SPECC1L: variants seen among roughly 807,000 people sequenced by gnomAD.
SPECC1L encodes cytospin-A.
A neutral mutation model predicts 116.8 loss-of-function variants in SPECC1L; 40 were observed. The observed-to-expected ratio is 0.34, with a 90% CI of 0.27 to 0.45. SPECC1L has a LOEUF of 0.45. Among genes scored for constraint, SPECC1L ranks in the 20% least tolerant of loss-of-function variants. The pLI is 1.00. For missense variants in SPECC1L, 1,110 were observed against 1,373.6 expected (o/e 0.81, Z 3.03); for synonymous variants, 504 against 500.6 (o/e 1.01, Z -0.09).
intron 11 of SPECC1L, among the ~76,000 whole-genome samples, chr22:24,358,105 GT>G (rs1243107856): frequency 2.3e-5 from 3 of 132,846 alleles, no homozygotes; most frequent in Non-Finnish European, 4.9e-5. Context: ...GAGGTGTTTT[GT>G]TTTTTTTGGT....
At chr22:24,346,592 G>C (rs552541760) in intron 10 of SPECC1L, among the ~76,000 whole-genome samples, 2 of 152,312 alleles carry the variant, frequency 1.3e-5, no homozygotes, top group East Asian at 3.9e-4. Flanking sequence ...ACCACATTCA[G>C]AATACCAGTG....
chr22:24,324,832 CAG>C (rs889687733), intron 6 of SPECC1L, among the ~76,000 whole-genome samples: 8 of 152,190 alleles, frequency 5.3e-5, no homozygotes, highest in African/African-American at 1.9e-4. Flanking sequence ...GCCTGGGTGA[CAG>C]AGTGAGACTT....
chr22:24,413,172 G>T (rs1229074827), intron 16 of SPECC1L, among the ~76,000 whole-genome samples: 1 of 152,194 alleles, frequency 6.6e-6, no homozygotes, highest in East Asian at 1.9e-4. Context: ...GCTGGACCGG[G>T]GAGGCTCCTG....
At chr22:24,293,068 A>G (rs2049186463) in intron 2 of SPECC1L, among the ~76,000 whole-genome samples, 1 of 151,976 alleles carries the variant, frequency 6.6e-6, no homozygotes, top group Non-Finnish European at 1.5e-5. Flanking sequence ...GCTATGATAG[A>G]GAAAAAAAAT....
intron 10 of SPECC1L, among the ~76,000 whole-genome samples, chr22:24,342,178 C>G (rs1028079079): frequency 1.3e-5 from 2 of 152,156 alleles, no homozygotes; most frequent in Admixed American, 1.3e-4. Flanking sequence ...CCATCATAAT[C>G]TGGCATGCAA....
In SPECC1L at chr22:24,321,712, G is replaced by A. The variant is rs376758255; in HGVS notation, c.732G>A (p.Leu244=). 4 of 1,614,110 alleles carry A rather than the reference G, an allele frequency of 2.5e-6. No homozygotes were observed. The highest frequency in any genetic ancestry group is 1.3e-5 in the African/African-American group (1 of 74,932). ...CGACTGATGTGGAGTCCACTTTATTGCAGTTGCAGGAACAGAATACTGCCA... is the reference window on the plus strand; with the variant it reads ...CGACTGATGTGGAGTCCACTTTATTACAGTTGCAGGAACAGAATACTGCCA... ...HQPTDVESTL[L]QLQEQNTAIR... The change falls in exon 5 of 17, where the codon TTG becomes TTA. Residue 244 remains leucine (L), a synonymous_variant. Transcript: ENST00000314328.
intron 2 of SPECC1L, among the ~76,000 whole-genome samples, chr22:24,279,363 A>G (rs952034468): frequency 6.6e-5 from 10 of 152,000 alleles, no homozygotes; most frequent in African/African-American, 2.4e-4. Context: ...TTCTCTTCTG[A>G]TTTTTAAAAA....
chr22:24,372,380 T>C (rs1219883656), intron 14 of SPECC1L, among the ~76,000 whole-genome samples: 1 of 152,198 alleles, frequency 6.6e-6, no homozygotes, highest in African/African-American at 2.4e-5. Context: ...GCAAAAATCC[T>C]CAATAAAATA....
At chr22:24,390,689 A>G (rs2042245609) in intron 14 of SPECC1L, among the ~76,000 whole-genome samples, 1 of 151,946 alleles carries the variant, frequency 6.6e-6, no homozygotes, top group African/African-American at 2.4e-5. Context: ...TAAGTTCTCC[A>G]CAGTGAAGCA....
intron 14 of SPECC1L, among the ~76,000 whole-genome samples, chr22:24,373,404 A>G (rs887720742): frequency 2.0e-5 from 3 of 152,234 alleles, no homozygotes; most frequent in African/African-American, 7.2e-5. Flanking sequence ...CCAAAACAGC[A>G]TGGTACTGGT....
chr22:24,314,626 AC>A (rs2040525898), intron 4 of SPECC1L, among the ~76,000 whole-genome samples: 1 of 152,130 alleles, frequency 6.6e-6, no homozygotes, highest in Non-Finnish European at 1.5e-5. Context: ...TGGTCATATG[AC>A]CTATAGAGTT....
At chr22:24,345,947 T>C (rs554456881) in intron 10 of SPECC1L, among the ~76,000 whole-genome samples, 46 of 151,864 alleles carry the variant, frequency 3.0e-4, no homozygotes, top group Non-Finnish European at 6.2e-4. Context: ...TTGAGCATCA[T>C]GTAGAGGTGG....
At chr22:24,395,485 C>T (rs2042349288) in intron 14 of SPECC1L, among the ~76,000 whole-genome samples, 1 of 152,058 alleles carries the variant, frequency 6.6e-6, no homozygotes, top group African/African-American at 2.4e-5. Context: ...CATGTCTTCT[C>T]CAAGGAAGAG....
chr22:24,390,872 CTTTTT>C (rs1016008966), intron 14 of SPECC1L, among the ~76,000 whole-genome samples: 1 of 57,116 alleles, frequency 1.8e-5, no homozygotes, highest in African/African-American at 7.6e-5. Context: ...TTTTTCTTTT[CTTTTT>C]TTTTTTTTTT....
At position 24,365,498 on chromosome 22, in the gene SPECC1L, A is replaced by C. The variant is rs748366761; in HGVS notation, c.2850A>C (p.Glu950Asp). The C allele has an allele frequency of 6.2e-7, 1 of 1,614,150 alleles. No individual in the cohort carries two copies. Among genetic ancestry groups the C allele is most frequent in the South Asian group, 1.1e-5 (1 of 91,090 alleles). ...CAGTGTCTCGACGAAGTAGTGAAGAAGTGAAACGGGACATTTCTGCACAGG... is the reference window on the plus strand; with the variant it reads ...CAGTGTCTCGACGAAGTAGTGAAGACGTGAAACGGGACATTTCTGCACAGG... The part of the protein sequence containing the change: ...TLSVSRRSSE[E>D]VKRDISAQEG... Residue 950 changes from glutamate to aspartate, a missense_variant, in exon 13 of 17, where the codon GAA (glutamate) becomes GAC (aspartate). Transcript: ENST00000314328.
intron 3 of SPECC1L, among the ~76,000 whole-genome samples, chr22:24,309,136 G>GACACAC (rs138903918): frequency 5.8e-4 from 87 of 150,998 alleles, no homozygotes; most frequent in East Asian, 2.3e-3. Context: ...TTGCTTTTGG[G>GACACAC]ACACACACAC....
At chr22:24,356,036 A>G (rs2041526739) in intron 11 of SPECC1L, among the ~76,000 whole-genome samples, 1 of 152,054 alleles carries the variant, frequency 6.6e-6, no homozygotes, top group African/African-American at 2.4e-5. Context: ...TATGTTTTTC[A>G]TCCCTACAGT....
intron 2 of SPECC1L, among the ~76,000 whole-genome samples, chr22:24,287,694 G>C (rs187376555): frequency 1.3e-5 from 2 of 152,248 alleles, no homozygotes; most frequent in African/African-American, 2.4e-5. Flanking sequence ...TCAGACTCCT[G>C]CTCTACCATT....
intron 8 of SPECC1L, among the ~76,000 whole-genome samples, chr22:24,333,886 AC>A (rs1569424720): frequency 1.3e-5 from 2 of 152,060 alleles, no homozygotes; most frequent in African/African-American, 4.8e-5. Flanking sequence ...TGCTTAACTT[AC>A]TTAGGATAAC....
Sources: gnomAD v4.1 joint callset for allele counts (sites outside exome capture counted in the v4.1 genomes callset) on GRCh38, gnomAD v4.1.1 for gene constraint, MANE v1.5 for transcripts, NCBI Gene and HGNC (gene_info 2026-07-23, HGNC 2026-07-21) for gene names.